RAP1GAP: variants seen among roughly 807,000 people sequenced by gnomAD.
RAP1GAP encodes rap1 GTPase-activating protein 1.
A neutral mutation model predicts 87.2 loss-of-function variants in RAP1GAP; 35 were observed. The observed-to-expected ratio is 0.40, with a 90% confidence interval of 0.31 to 0.53. The LOEUF (loss-of-function observed/expected upper bound fraction) is 0.53, where lower values mean the gene tolerates loss of function less well. RAP1GAP is among the 20% of genes least tolerant of loss of function. The pLI, the probability that RAP1GAP is intolerant of heterozygous loss-of-function variation, is 0.48. For missense variants in RAP1GAP, 734 were observed against 898.9 expected, an observed-to-expected ratio of 0.82 and a Z score of 2.35; for synonymous variants, 375 against 363.9, an observed-to-expected ratio of 1.03 and a Z score of -0.35.
At chr1:21,645,785 G>C (rs1251082016) in intron 2 of RAP1GAP, among the ~76,000 whole-genome samples, 1 of 152,220 alleles carries the variant, frequency 6.6e-6, no homozygotes. Context: ...AGCGGGCTGT[G>C]CCTGCTTGGC....
rs2080064046 is a variant in RAP1GAP, at chr1:21,613,800, C to T, written c.396-94G>A. The stretch of plus-strand genomic sequence containing the variant: ...CAAAGTAAGGCCAGAAGGGGGTGGA[C>T]CACAGCGAGGACCAGAGGTGATGAT... On this transcript the variant is annotated intron_variant, in intron 8 of 24. Transcript: ENST00000374765. The surrounding 1 kb of genome is among the most constrained non-coding windows in gnomAD (Gnocchi z 4.7). 3.0e-6 allele frequency: 4 copies of T among 1,321,558 alleles called. No individual in the cohort carries two copies. Among genetic ancestry groups the T allele is most frequent in the African/African-American group, 2.9e-5 (2 of 69,070 alleles). The allele number at this position is 1,321,558 out of a possible 1,614,324, so 81.9% of individuals were successfully genotyped here.
At chr1:21,626,533 A>C (rs12039278) in intron 2 of RAP1GAP, 136 bp from the exon 3 acceptor site, 83,928 of 685,542 alleles carry the variant, frequency 0.12, 6,625 homozygotes, top group Admixed American at 0.28. Context: ...GTTCCCCAAG[A>C]GGAGGGAGAG....
rs562620455 is a variant in RAP1GAP, at chr1:21,624,515, G to C, written c.-19+1789C>G. On this transcript the variant is annotated intron_variant, in intron 3 of 24. Transcript: ENST00000374765. The stretch of plus-strand genomic sequence containing the variant: ...ATGTGCACAGAGCTAGGGGCACCAG[G>C]GGAGGGGAATGGAGAATATGTCACA... Among the ~76,000 whole-genome samples, 10 of 152,302 alleles carry C rather than the reference G, an allele frequency of 6.6e-5. No homozygotes were observed. The East Asian group carries it at 1.9e-3, about 29-fold the overall frequency.
In RAP1GAP at chr1:21,613,066, A is replaced by T; in HGVS notation, c.528+110T>A. On this transcript the variant is annotated intron_variant, in intron 10 of 24. Transcript: ENST00000374765. This position sits in a 1 kb window ranked among gnomAD's most constrained non-coding sequence, Gnocchi z 4.7. Reference sequence around the variant, plus strand: ...ACTTCACAGGGTTATTGTGAGGATTAAATGAGAGAACCTTGGGAAAGTATC... The same window carrying T: ...ACTTCACAGGGTTATTGTGAGGATTTAATGAGAGAACCTTGGGAAAGTATC... 8.3e-7 allele frequency: 1 copy of T among 1,208,074 alleles called. No individual in the cohort carries two copies. The allele number at this position is 1,208,074 out of a possible 1,614,324, so 74.8% of individuals were successfully genotyped here.
intron 17 of RAP1GAP, 141 bp downstream of exon 17, chr1:21,608,072 T>C: frequency 2.4e-6 from 3 of 1,270,926 alleles, no homozygotes; most frequent in Middle Eastern, 2.0e-4. Flanking sequence ...AATCCCCCAG[T>C]CCGGGACTCC....
intron 1 of RAP1GAP, among the ~76,000 whole-genome samples, chr1:21,658,722 A>G (rs1194148260): frequency 6.6e-6 from 1 of 152,028 alleles, no homozygotes; most frequent in Non-Finnish European, 1.5e-5. Flanking sequence ...CTCTATTACG[A>G]TAATTTTAAT....
chr1:21,601,862 GC>G, intron 19 of RAP1GAP, 65 bp from the exon 20 acceptor site: 1 of 1,170,616 alleles, frequency 8.5e-7, no homozygotes. Flanking sequence ...GTAGCGTGAG[GC>G]CCAGGCGGTG....
In RAP1GAP at chr1:21,622,888, C is replaced by G. The variant is rs1570873630; in HGVS notation, c.-18-2838G>C. Reference sequence around the variant, plus strand: ...TCTTGAGCACCTACTTAATGCTGGGCCCTTCGCATGTGTCGTAATCTCGTC... The same window carrying G: ...TCTTGAGCACCTACTTAATGCTGGGGCCTTCGCATGTGTCGTAATCTCGTC... On this transcript the variant is annotated intron_variant, in intron 3 of 24. Transcript: ENST00000374765. The surrounding 1 kb of genome is among the most constrained non-coding windows in gnomAD (Gnocchi z 5.7). The G allele has an allele frequency of 1.3e-5, 2 of 152,224 alleles. No individual in the cohort carries two copies. The highest frequency in any genetic ancestry group is 1.3e-4 in the Admixed American group (2 of 15,284). The allele number at this position is 152,224 out of a possible 1,614,324, so 9.4% of individuals were successfully genotyped here.
intron 2 of RAP1GAP, among the ~76,000 whole-genome samples, chr1:21,631,880 G>A (rs1173993898): frequency 2.0e-5 from 3 of 152,142 alleles, no homozygotes. Flanking sequence ...CCTCAGCCCA[G>A]GCCCTCAGTC....
At chr1:21,601,113 C>T (rs2068032425) in intron 20 of RAP1GAP, among the ~76,000 whole-genome samples, 1 of 151,570 alleles carries the variant, frequency 6.6e-6, no homozygotes, top group Admixed American at 6.6e-5. Flanking sequence ...CTCACTGCAG[C>T]CTCCAACTCC....
intron 1 of RAP1GAP, among the ~76,000 whole-genome samples, chr1:21,659,025 C>G (rs2096984240): frequency 6.6e-6 from 1 of 151,490 alleles, no homozygotes; most frequent in Non-Finnish European, 1.5e-5. Flanking sequence ...CCGCAACCTC[C>G]ACCTCAGTAG....
At chr1:21,628,201 A>G (rs997317309) in intron 2 of RAP1GAP, among the ~76,000 whole-genome samples, 1 of 152,128 alleles carries the variant, frequency 6.6e-6, no homozygotes, top group Non-Finnish European at 1.5e-5. Context: ...TGCAGGGTAC[A>G]CTGACATGGG....
rs749803770 is a variant in RAP1GAP at position 21,602,862 on chromosome 1, C to T, written c.1480G>A (p.Gly494Ser). Reference protein sequence around the residue: ...SPTRKKSGPFGSRRSSAIGIE... With the variant: ...SPTRKKSGPFSSRRSSAIGIE... Reference sequence around the variant, plus strand: ...CCAATGGCGCTGCTGCGGCGGGAGCCGAACGGGCCCGACTTCTTCCTCGTG... The same window carrying T: ...CCAATGGCGCTGCTGCGGCGGGAGCTGAACGGGCCCGACTTCTTCCTCGTG... Residue 494 changes from glycine to serine, a missense_variant, in exon 19 of 25, where the codon GGC becomes AGC. Physicochemically the swap from Gly to Ser is moderately conservative, Grantham distance 56. Around this residue, in one of 2 missense-constraint regions of RAP1GAP, gnomAD observed 249 missense variants for 252.7 expected, o/e 0.99. Coordinates refer to ENST00000374765, the MANE Select transcript of RAP1GAP (RefSeq NM_002885.4). 7.5e-6 allele frequency: 12 copies of T among 1,609,560 alleles called. No individual in the cohort carries two copies. In the African/African-American group the frequency reaches 8.0e-5, roughly 11 times the overall value.
At chr1:21,642,751 AC>A (rs1240657442) in intron 2 of RAP1GAP, among the ~76,000 whole-genome samples, 1 of 151,724 alleles carries the variant, frequency 6.6e-6, no homozygotes. Context: ...TCTTCCCTTC[AC>A]CTGTCAGGCC....
At position 21,611,834 on chromosome 1, in the gene RAP1GAP, A is replaced by C. The variant is rs759547175; in HGVS notation, c.613-18T>G. ...TCGGAGGTCTGGGGATGAGGGGCCA[A>C]GGTCATTGAGCTGGAGTTCCTGAGA... On this transcript the variant is annotated intron_variant, in intron 11 of 24. Coordinates refer to ENST00000374765, the MANE Select transcript of RAP1GAP (RefSeq NM_002885.4). 6.3e-7 allele frequency: 1 copy of C among 1,590,656 alleles called. No homozygotes were observed. Among genetic ancestry groups the C allele is most frequent in the Non-Finnish European group, 8.6e-7 (1 of 1,158,752 alleles).
chr1:21,603,975 G>C lies in RAP1GAP; in HGVS notation c.1429-1062C>G. 6.4e-6 allele frequency: 8 copies of C among 1,256,276 alleles called. No homozygotes were observed. The highest frequency in any genetic ancestry group is 6.6e-6 in the Non-Finnish European group (6 of 909,202). The allele number at this position is 1,256,276 out of a possible 1,614,324, so 77.8% of individuals were successfully genotyped here. On this transcript the variant is annotated intron_variant, in intron 18 of 24. Coordinates refer to ENST00000374765, the MANE Select transcript of RAP1GAP (RefSeq NM_002885.4). This position sits in a 1 kb window ranked among gnomAD's most constrained non-coding sequence, Gnocchi z 6.0. Reference sequence around the variant, plus strand: ...ACAGAGAGAGAGTCAGAGAGCAAGAGAGATGGTGGGAGGGAGACACAGAGA... The same window carrying C: ...ACAGAGAGAGAGTCAGAGAGCAAGACAGATGGTGGGAGGGAGACACAGAGA...
intron 22 of RAP1GAP, 156 bp downstream of exon 22, chr1:21,598,244 C>G (rs1290491664): frequency 1.3e-5 from 10 of 789,896 alleles, no homozygotes; most frequent in Admixed American, 2.7e-5. Flanking sequence ...ATCCACCCAG[C>G]CACCCTAGGC....
At chr1:21,659,934 T>C (rs1178236826) in intron 1 of RAP1GAP, among the ~76,000 whole-genome samples, 3 of 152,094 alleles carry the variant, frequency 2.0e-5, no homozygotes, top group Non-Finnish European at 4.4e-5. Flanking sequence ...GATGCAGATA[T>C]GGCTACAAAA....
intron 17 of RAP1GAP, among the ~76,000 whole-genome samples, chr1:21,607,708 C>A (rs974687036): frequency 1.1e-4 from 17 of 152,126 alleles, no homozygotes; most frequent in African/African-American, 3.9e-4. Context: ...CCACCTCCAA[C>A]AGTTACTCCT....
Sources: gnomAD v4.1 joint callset for allele counts (sites outside exome capture counted in the v4.1 genomes callset) on GRCh38, gnomAD v4.1.1 for gene constraint, gnomAD v4.1.1 regional missense constraint, Gnocchi (gnomAD v3.1) non-coding constraint, MANE v1.5 for transcripts, NCBI Gene and HGNC (gene_info 2026-07-23, HGNC 2026-07-21) for gene names.